Variants in TRIM56 observed in about 807,000 individuals in gnomAD.
TRIM56 encodes the protein tripartite motif containing 56.
In TRIM56, 10 loss-of-function variants were observed where a neutral mutation model predicts 17.1. The ratio of observed to expected loss-of-function variants is 0.58; its 90% CI spans 0.36 to 0.99. The LOEUF (loss-of-function observed/expected upper bound fraction) is 0.99. Among genes scored for constraint, TRIM56 ranks in the 50% least tolerant of loss-of-function variants. TRIM56 has a pLI of 0.01. For missense variants in TRIM56, 923 were observed against 1,052.3 expected (o/e 0.88, Z 1.70); for synonymous variants, 503 against 473.5 (o/e 1.06, Z -0.81).
chr7:101,089,084 G>A lies in TRIM56; in HGVS notation c.1772G>A (p.Ser591Asn). Residue 591 changes from serine (S) to asparagine (N), a missense_variant, in exon 3 of 3, where the codon AGC becomes AAC. Around this residue, in one of 3 missense-constraint regions of TRIM56, gnomAD observed 182 missense variants for 243.1 expected, o/e 0.75. Coordinates refer to ENST00000306085, the MANE Select transcript of TRIM56 (RefSeq NM_030961.3). The part of the protein sequence containing the change: ...WRRALSLSQA[S>N]HAVAALPSGD... ...AGGGCCCTGAGCCTCTCCCAGGCCA[G>A]CCACGCGGTGGCGGCACTGCCTAGC... 1 of 1,598,378 alleles carries A rather than the reference G, an allele frequency of 6.3e-7. No individual in the cohort carries two copies. The highest frequency in any genetic ancestry group is 8.5e-7 in the Non-Finnish European group (1 of 1,174,692).
chr7:101,087,831 C>G lies in TRIM56; in HGVS notation c.519C>G (p.Pro173=). Residue 173 remains proline, a synonymous_variant, in exon 3 of 3, where the codon CCC becomes CCG. Coordinates refer to ENST00000306085, the MANE Select transcript of TRIM56 (RefSeq NM_030961.3). ...ERQAAQCPQH[P]GEALRFLCQP... Reference sequence around the variant, plus strand: ...AAGCGGCCCAGTGTCCCCAGCACCCCGGGGAGGCACTGCGCTTCCTGTGCC... The same window carrying G: ...AAGCGGCCCAGTGTCCCCAGCACCCGGGGGAGGCACTGCGCTTCCTGTGCC... The G allele has an allele frequency of 6.2e-7, 1 of 1,603,682 alleles. No individual in the cohort carries two copies. Among genetic ancestry groups the G allele is most frequent in the Non-Finnish European group, 8.5e-7 (1 of 1,176,370 alleles).
At position 101,097,879 on chromosome 7, in the gene TRIM56, A is replaced by G. The variant is rs1167000730; in HGVS notation, c.*8299A>G. Reference sequence around the variant, plus strand: ...TGTATCTTTTCTGTGTTTCTTAATAAAGTTCTTTTGAAAAATGGGAACCTT... The same window carrying G: ...TGTATCTTTTCTGTGTTTCTTAATAGAGTTCTTTTGAAAAATGGGAACCTT... On this transcript the variant is annotated 3_prime_UTR_variant, in exon 3 of 3. Coordinates refer to ENST00000306085, the MANE Select transcript of TRIM56 (RefSeq NM_030961.3). 1 of 152,114 alleles carries G rather than the reference A, an allele frequency of 6.6e-6. No individual in the cohort carries two copies. Among genetic ancestry groups the G allele is most frequent in the Non-Finnish European group, 1.5e-5 (1 of 68,032 alleles). 9.4% of individuals were successfully genotyped at this position (152,114 alleles called of 1,614,324 possible). A position where few individuals can be genotyped will look rare whatever the true frequency, so the allele number is the denominator to read the frequency against.
intron 1 of TRIM56, among the ~76,000 whole-genome samples, chr7:101,085,982 A>G (rs1338625622): frequency 6.6e-6 from 1 of 152,224 alleles, no homozygotes; most frequent in Admixed American, 6.5e-5. Context: ...GTGAGCCAGC[A>G]GCGGGAAGGG....
In TRIM56 at chr7:101,091,262, C is replaced by T. The variant is rs761101066; in HGVS notation, c.*1682C>T. Reference sequence around the variant, plus strand: ...TCGTGGGAACCAGAGGGATTTTGGACAAGTCCAGATGGAATGTGCAGGGCA... The same window carrying T: ...TCGTGGGAACCAGAGGGATTTTGGATAAGTCCAGATGGAATGTGCAGGGCA... On this transcript the variant is annotated 3_prime_UTR_variant, in exon 3 of 3. Transcript: ENST00000306085. The T allele has an allele frequency of 1.9e-4, 29 of 153,440 alleles. No individual in the cohort carries two copies. The highest frequency in any genetic ancestry group is 4.1e-4 in the South Asian group (2 of 4,916). The allele number at this position is 153,440 out of a possible 1,614,324, so 9.5% of individuals were successfully genotyped here.
Position 101,088,919 on chromosome 7 carries a change from T to A in TRIM56, c.1607T>A (p.Leu536His). 6.2e-7 allele frequency: 1 copy of A among 1,613,784 alleles called. No homozygotes were observed. Among genetic ancestry groups the A allele is most frequent in the Non-Finnish European group, 8.5e-7 (1 of 1,180,020 alleles). ...AACCGGGCACTGAAACGCTTCTCCCTCAACGGCGACTACAAGGGCACCGTG... is the reference window on the plus strand; with the variant it reads ...AACCGGGCACTGAAACGCTTCTCCCACAACGGCGACTACAAGGGCACCGTG... ...EQNRALKRFS[L>H]NGDYKGTVPV... The change falls in exon 3 of 3, where the codon CTC (leucine) becomes CAC (histidine). Residue 536 changes from leucine to histidine, a missense_variant. Leu to His is a moderately conservative substitution (Grantham distance 99). Around this residue, in one of 3 missense-constraint regions of TRIM56, gnomAD observed 643 missense variants for 665.6 expected, o/e 0.97. Transcript: ENST00000306085.
chr7:101,091,976 G>A lies in TRIM56; in HGVS notation c.*2396G>A. The A allele has an allele frequency of 3.2e-6, 1 of 313,522 alleles. No homozygotes were observed. The highest frequency in any genetic ancestry group is 1.1e-4 in the East Asian group (1 of 8,798). 19.4% of individuals were successfully genotyped at this position (313,522 alleles called of 1,614,324 possible). ...CTGGTTTTCGTATTTTTTTGGTGGA[G>A]ACGGGGTTTCACTGTGTTGGCCGGG... On this transcript the variant is annotated 3_prime_UTR_variant, in exon 3 of 3. Transcript: ENST00000306085.
chr7:101,091,766 C>T lies in TRIM56; in HGVS notation c.*2186C>T. 2.3e-6 allele frequency: 1 copy of T among 442,662 alleles called. No homozygotes were observed. Among genetic ancestry groups the T allele is most frequent in the South Asian group, 1.6e-5 (1 of 63,278 alleles). The allele number at this position is 442,662 out of a possible 1,614,324, so 27.4% of individuals were successfully genotyped here. A position where few individuals can be genotyped will look rare whatever the true frequency, so the allele number is the denominator to read the frequency against. On this transcript the variant is annotated 3_prime_UTR_variant, in exon 3 of 3. Transcript: ENST00000306085. ...AAGAAAAGAAAGAAAACCAAGGTCCCTCTCCCTCTCCCTCTCCCCACGGTC... is the reference window on the plus strand; with the variant it reads ...AAGAAAAGAAAGAAAACCAAGGTCCTTCTCCCTCTCCCTCTCCCCACGGTC...
In TRIM56 at chr7:101,088,663, C is replaced by T. The variant is rs1795502414; in HGVS notation, c.1351C>T (p.Pro451Ser). Residue 451 changes from proline (P) to serine (S), a missense_variant, in exon 3 of 3, where the codon CCC (proline) becomes TCC (serine). By Grantham distance (74) the Pro-to-Ser change is moderately conservative. This residue lies in a region of TRIM56 where 643 missense variants were observed against 665.6 expected (regional missense o/e 0.97). Coordinates refer to ENST00000306085, the MANE Select transcript of TRIM56 (RefSeq NM_030961.3). Reference sequence around the variant, plus strand: ...ACCCCACGAGGATGGAGGACCCCAGCCCCACAGGGGTGGCAGACCCAACAA... The same window carrying T: ...ACCCCACGAGGATGGAGGACCCCAGTCCCACAGGGGTGGCAGACCCAACAA... ...QTPHEDGGPQPHRGGRPNKKK... is the reference protein window; with the variant it reads ...QTPHEDGGPQSHRGGRPNKKK... 6.2e-7 allele frequency: 1 copy of T among 1,613,968 alleles called. No individual in the cohort carries two copies. The highest frequency in any genetic ancestry group is 8.5e-7 in the Non-Finnish European group (1 of 1,179,972).
rs1795649544 is a variant in TRIM56, at chr7:101,096,048, G to A, written c.*6468G>A. On this transcript the variant is annotated 3_prime_UTR_variant, in exon 3 of 3. Coordinates refer to ENST00000306085, the MANE Select transcript of TRIM56 (RefSeq NM_030961.3). The stretch of plus-strand genomic sequence containing the variant: ...TACTAAAAATACAAAAATTAGCCAG[G>A]CGTGGTGGCACATGCCTGTAATCCC... 6.6e-6 allele frequency: 1 copy of A among 152,204 alleles called. No homozygotes were observed. The highest frequency in any genetic ancestry group is 1.5e-5 in the Non-Finnish European group (1 of 68,080). 9.4% of individuals were successfully genotyped at this position (152,204 alleles called of 1,614,324 possible). A position where few individuals can be genotyped will look rare whatever the true frequency, so the allele number is the denominator to read the frequency against.
chr7:101,088,135 G>A lies in TRIM56; in HGVS notation c.823G>A (p.Gly275Arg), dbSNP rs756535988. ...ALLAQKQEVL[G>R]QLRAHVEAAE... Reference sequence around the variant, plus strand: ...GCTGGCCCAGAAGCAGGAGGTGCTGGGGCAGCTACGAGCCCACGTGGAGGC... The same window carrying A: ...GCTGGCCCAGAAGCAGGAGGTGCTGAGGCAGCTACGAGCCCACGTGGAGGC... Residue 275 changes from glycine to arginine, a missense_variant, in exon 3 of 3, where the codon GGG becomes AGG. Gly to Arg is a moderately radical substitution (Grantham distance 125). Transcript: ENST00000306085. 6.7e-7 allele frequency: 1 copy of A among 1,500,974 alleles called. No homozygotes were observed. Among genetic ancestry groups the A allele is most frequent in the East Asian group, 2.5e-5 (1 of 40,394 alleles). The allele number at this position is 1,500,974 out of a possible 1,614,324, so 93.0% of individuals were successfully genotyped here.
chr7:101,089,315 T>C lies in TRIM56; in HGVS notation c.2003T>C (p.Val668Ala). 3 of 1,602,850 alleles carry C rather than the reference T, an allele frequency of 1.9e-6. No individual in the cohort carries two copies. Among genetic ancestry groups the C allele is most frequent in the Non-Finnish European group, 1.7e-6 (2 of 1,171,864 alleles). ...VVICDGLGQVVGEYKGPGLHG... is the reference protein window; with the variant it reads ...VVICDGLGQVAGEYKGPGLHG... Reference sequence around the variant, plus strand: ...ATCTGTGATGGGCTGGGCCAGGTGGTTGGGGAGTACAAGGGGCCAGGCCTG... The same window carrying C: ...ATCTGTGATGGGCTGGGCCAGGTGGCTGGGGAGTACAAGGGGCCAGGCCTG... The change falls in exon 3 of 3, where the codon GTT (valine) becomes GCT (alanine). Residue 668 changes from valine to alanine, a missense_variant. Transcript: ENST00000306085.
chr7:101,085,698 A>AGGCAGGAGGAGAG (rs1426748204), intron 1 of TRIM56, 127 bp downstream of exon 1: 1 of 152,390 alleles, frequency 6.6e-6, no homozygotes, highest in Non-Finnish European at 1.5e-5. Flanking sequence ...GGCACCCGGA[A>AGGCAGGAGGAGAG]GGCAGGAGGA....
chr7:101,089,796 G>T lies in TRIM56; in HGVS notation c.*216G>T, dbSNP rs986413615. 1.9e-6 allele frequency: 1 copy of T among 512,822 alleles called. No homozygotes were observed. Among genetic ancestry groups the T allele is most frequent in the Non-Finnish European group, 3.5e-6 (1 of 283,348 alleles). 31.8% of individuals were successfully genotyped at this position (512,822 alleles called of 1,614,324 possible). A position where few individuals can be genotyped will look rare whatever the true frequency, so the allele number is the denominator to read the frequency against. ...TAACTCTCAGAAGCAGAGGAGGCAG[G>T]TGGGTGGAGGGGGATGCTGGGAGTT... On this transcript the variant is annotated 3_prime_UTR_variant, in exon 3 of 3. Transcript: ENST00000306085.
In TRIM56 at chr7:101,089,016, A is replaced by G; in HGVS notation, c.1704A>G (p.Ala568=). 6.2e-7 allele frequency: 1 copy of G among 1,606,244 alleles called. No individual in the cohort carries two copies. The highest frequency in any genetic ancestry group is 8.5e-7 in the Non-Finnish European group (1 of 1,179,688). Residue 568 remains alanine (A), a synonymous_variant, in exon 3 of 3, where the codon GCA becomes GCG. Coordinates refer to ENST00000306085, the MANE Select transcript of TRIM56 (RefSeq NM_030961.3). ...LQSAVAFSAS[A]RLYLINPNGE... ...GCGCGGTGGCCTTCTCCGCTAGCGCACGGCTCTATCTCATCAACCCCAACG... is the reference window on the plus strand; with the variant it reads ...GCGCGGTGGCCTTCTCCGCTAGCGCGCGGCTCTATCTCATCAACCCCAACG...
Position 101,091,929 on chromosome 7 carries a change from A to C in TRIM56, c.*2349A>C, listed in dbSNP as rs1333503840. 5 of 304,256 alleles carry C rather than the reference A, an allele frequency of 1.6e-5. No homozygotes were observed. The highest frequency in any genetic ancestry group is 1.2e-4 in the African/African-American group (5 of 43,020). The allele number at this position is 304,256 out of a possible 1,614,324, so 18.8% of individuals were successfully genotyped here. On this transcript the variant is annotated 3_prime_UTR_variant, in exon 3 of 3. Transcript: ENST00000306085. ...CAGCCTGCCGAGTGCCTGCGATTGC[A>C]GGCGCGCGCCGCCACGCCTGACTGG... is the stretch of plus-strand genomic sequence containing the variant.
rs1189580045 is a variant in TRIM56, at chr7:101,092,617, G to A, written c.*3037G>A. On this transcript the variant is annotated 3_prime_UTR_variant, in exon 3 of 3. Transcript: ENST00000306085. Reference sequence around the variant, plus strand: ...TCCCGGCCAGCCGCGCCGTCCGGGAGGGAGGTGGGGGGTCAGCCCCCGCCC... The same window carrying A: ...TCCCGGCCAGCCGCGCCGTCCGGGAAGGAGGTGGGGGGTCAGCCCCCGCCC... The A allele has an allele frequency of 8.2e-6, 1 of 121,964 alleles. No homozygotes were observed. The highest frequency in any genetic ancestry group is 2.0e-4 in the East Asian group (1 of 5,100). The allele number at this position is 121,964 out of a possible 1,614,324, so 7.6% of individuals were successfully genotyped here.
At position 101,088,032 on chromosome 7, in the gene TRIM56, G is replaced by A. The variant is rs749789733; in HGVS notation, c.720G>A (p.Ala240=). The A allele has an allele frequency of 6.5e-6, 10 of 1,549,412 alleles. No homozygotes were observed. In the South Asian group the frequency reaches 9.3e-5, roughly 14 times the overall value. Residue 240 remains alanine (A), a synonymous_variant, in exon 3 of 3, where the codon GCG becomes GCA. Coordinates refer to ENST00000306085, the MANE Select transcript of TRIM56 (RefSeq NM_030961.3). ...LEAARRVEKE[A]LARLREQAAR... ...CAGCGCGGAGGGTGGAGAAGGAGGC[G>A]CTAGCCCGGCTGCGGGAGCAGGCGG... is the stretch of plus-strand genomic sequence containing the variant.
Position 101,089,321 on chromosome 7 carries a change from A to G in TRIM56, c.2009A>G (p.Glu670Gly), listed in dbSNP as rs1266349340. 6.2e-7 allele frequency: 1 copy of G among 1,602,714 alleles called. No individual in the cohort carries two copies. Among genetic ancestry groups the G allele is most frequent in the East Asian group, 2.2e-5 (1 of 44,624 alleles). The stretch of plus-strand genomic sequence containing the variant: ...GATGGGCTGGGCCAGGTGGTTGGGG[A>G]GTACAAGGGGCCAGGCCTGCATGGC... Reference protein sequence around the residue: ...ICDGLGQVVGEYKGPGLHGCQ... With the variant: ...ICDGLGQVVGGYKGPGLHGCQ... The change falls in exon 3 of 3, where the codon GAG becomes GGG. Residue 670 changes from glutamate (E) to glycine (G), a missense_variant. Around this residue, in one of 3 missense-constraint regions of TRIM56, gnomAD observed 182 missense variants for 243.1 expected, o/e 0.75. Transcript: ENST00000306085.
chr7:101,086,112 G>T (rs1047181622), intron 1 of TRIM56, among the ~76,000 whole-genome samples: 1 of 152,222 alleles, frequency 6.6e-6, no homozygotes, highest in Non-Finnish European at 1.5e-5. Flanking sequence ...CAGAAGACAG[G>T]TGTAAGGCCA....
Sources: allele counts gnomAD v4.1 joint callset (sites outside exome capture counted in the v4.1 genomes callset), GRCh38; gene constraint gnomAD v4.1.1; regional missense constraint gnomAD v4.1.1; transcripts MANE v1.5; gene names NCBI Gene and HGNC (gene_info 2026-07-23, HGNC 2026-07-21).